NOVA1: variants seen among roughly 807,000 people sequenced by gnomAD.
The protein encoded by NOVA1 is RNA-binding protein Nova-1.
NOVA1 carries 7 observed loss-of-function variants against 38.0 expected under a neutral mutation model. The observed-to-expected ratio is 0.18, with a 90% CI of 0.10 to 0.35. The LOEUF (loss-of-function observed/expected upper bound fraction) is 0.35. Ranked by LOEUF, NOVA1 falls within the 10% of genes least tolerant of loss-of-function variation. NOVA1 has a pLI of 1.00. For missense variants in NOVA1, 460 were observed against 616.0 expected (o/e 0.75, Z 2.68); for synonymous variants, 270 against 232.5 (o/e 1.16, Z -1.47).
chr14:26,554,325 A>G (rs1459659508), intron 2 of NOVA1, among the ~76,000 whole-genome samples: 1 of 151,858 alleles, frequency 6.6e-6, no homozygotes, highest in East Asian at 1.9e-4. Flanking sequence ...CTTCATCAGC[A>G]CACAGGAGGA....
chr14:26,584,405 T>TA (rs1447818067), intron 2 of NOVA1, among the ~76,000 whole-genome samples: 1 of 151,534 alleles, frequency 6.6e-6, no homozygotes, highest in East Asian at 1.9e-4. Flanking sequence ...TAAATATATA[T>TA]TTTTTAATTA....
At chr14:26,463,198 T>C (rs1390860655) in intron 4 of NOVA1, among the ~76,000 whole-genome samples, 1 of 152,166 alleles carries the variant, frequency 6.6e-6, no homozygotes. Context: ...CATACATACG[T>C]TCTTTTATTT....
intron 3 of NOVA1, among the ~76,000 whole-genome samples, chr14:26,477,709 T>C (rs1885099480): frequency 6.6e-6 from 1 of 152,120 alleles, no homozygotes; most frequent in Non-Finnish European, 1.5e-5. Context: ...ATTAAGGTCA[T>C]TTAAATTTAT....
rs201509724 is a variant in NOVA1, at chr14:26,448,642, T to C, written c.841A>G (p.Thr281Ala). Reference sequence around the variant, plus strand: ...AATAGCCCTGCAGCTGCTGCAGCAGTTGGTAACACTTCAGCAGTGTTTGCA... The same window carrying C: ...AATAGCCCTGCAGCTGCTGCAGCAGCTGGTAACACTTCAGCAGTGTTTGCA... ...PYANTAEVLP[T>A]AAAAAGLLGH... The change falls in exon 5 of 5, where the codon ACT (threonine) becomes GCT (alanine). Residue 281 changes from threonine (T) to alanine (A), a missense_variant. By Grantham distance (58) the Thr-to-Ala change is moderately conservative. Coordinates refer to ENST00000539517, the MANE Select transcript of NOVA1 (RefSeq NM_002515.3). The surrounding 1 kb of genome is among the most constrained non-coding windows in gnomAD (Gnocchi z 5.3). 1.2e-6 allele frequency: 2 copies of C among 1,614,070 alleles called. No homozygotes were observed. Among genetic ancestry groups the C allele is most frequent in the Non-Finnish European group, 1.7e-6 (2 of 1,180,048 alleles).
rs116336546 is a variant in NOVA1 at position 26,512,128 on chromosome 14, T to C, written c.281-31985A>G. Among the ~76,000 whole-genome samples, 570 of 152,326 alleles carry C rather than the reference T, an allele frequency of 3.7e-3. 6 individuals carry two copies. Among genetic ancestry groups the C allele is most frequent in the African/African-American group, 0.013 (546 of 41,584 alleles). ...ACCTTTAAAAAGAATACATTAATGC[T>C]TGAATAAGAGTATATATTTTGCTTT... On this transcript the variant is annotated intron_variant, in intron 2 of 4. Transcript: ENST00000539517.
chr14:26,456,206 A>G, intron 4 of NOVA1, among the ~76,000 whole-genome samples: 1 of 152,170 alleles, frequency 6.6e-6, no homozygotes, highest in East Asian at 1.9e-4. Flanking sequence ...TTAAAAAGTA[A>G]AAAATACCTA....
intron 2 of NOVA1, among the ~76,000 whole-genome samples, chr14:26,575,168 T>G (rs1463005578): frequency 2.0e-5 from 3 of 152,178 alleles, no homozygotes; most frequent in Non-Finnish European, 4.4e-5. Flanking sequence ...AAAGTTCAAA[T>G]TGCTTGACAC....
At chr14:26,473,704 A>G (rs1355623595) in intron 3 of NOVA1, among the ~76,000 whole-genome samples, 2 of 151,952 alleles carry the variant, frequency 1.3e-5, no homozygotes, top group Non-Finnish European at 2.9e-5. Flanking sequence ...CTAACATCAT[A>G]CCATGTTTTA....
chr14:26,577,444 C>CT (rs1371984364), intron 2 of NOVA1, among the ~76,000 whole-genome samples: 3 of 151,818 alleles, frequency 2.0e-5, no homozygotes, highest in Non-Finnish European at 4.4e-5. Context: ...AGACAGGCTA[C>CT]TTTTTTTTGT....
chr14:26,516,163 G>C (rs139724613), intron 2 of NOVA1, among the ~76,000 whole-genome samples: 1 of 152,264 alleles, frequency 6.6e-6, no homozygotes, highest in Non-Finnish European at 1.5e-5. Context: ...TAACGGTATT[G>C]AGTGTTTATC....
At chr14:26,524,061 T>C (rs1047456627) in intron 2 of NOVA1, among the ~76,000 whole-genome samples, 1 of 152,126 alleles carries the variant, frequency 6.6e-6, no homozygotes, top group Non-Finnish European at 1.5e-5. Flanking sequence ...CACTTGAAGA[T>C]TTTAAAACAA....
At chr14:26,517,675 T>A (rs1888570342) in intron 2 of NOVA1, among the ~76,000 whole-genome samples, 1 of 152,132 alleles carries the variant, frequency 6.6e-6, no homozygotes, top group Non-Finnish European at 1.5e-5. Flanking sequence ...AAATAACAAT[T>A]TTGCCATTTG....
intron 2 of NOVA1, among the ~76,000 whole-genome samples, chr14:26,523,952 C>G (rs756623533): frequency 6.6e-6 from 1 of 151,956 alleles, no homozygotes; most frequent in Admixed American, 6.6e-5. Flanking sequence ...GGGGTTTCAC[C>G]GTGTTAGCCG....
chr14:26,585,799 C>T (rs556222010), intron 2 of NOVA1, among the ~76,000 whole-genome samples: 166 of 14,450 alleles, frequency 0.011, 2 homozygotes, highest in Non-Finnish European at 0.031. Context: ...CTAAACAGAA[C>T]GCAAAATTCC....
Position 26,448,622 on chromosome 14 carries a change from C to G in NOVA1, c.861G>C (p.Gly287=). ...CAGCAAGGTTAGCATGTCCTAATAG[C>G]CCTGCAGCTGCTGCAGCAGTTGGTA... ...EVLPTAAAAA[G]LLGHANLAGV... Residue 287 remains glycine, a synonymous_variant, in exon 5 of 5, where the codon GGG becomes GGC. Transcript: ENST00000539517. The surrounding 1 kb of genome is among the most constrained non-coding windows in gnomAD (Gnocchi z 5.3). 1 of 1,614,224 alleles carries G rather than the reference C, an allele frequency of 6.2e-7. No homozygotes were observed. The highest frequency in any genetic ancestry group is 8.5e-7 in the Non-Finnish European group (1 of 1,180,048).
chr14:26,587,717 T>C (rs1893613459), intron 2 of NOVA1, among the ~76,000 whole-genome samples: 2 of 151,228 alleles, frequency 1.3e-5, no homozygotes, highest in African/African-American at 2.4e-5. Flanking sequence ...AGAATTAATA[T>C]GACCAAAATT....
At chr14:26,492,862 G>A (rs562399976) in intron 2 of NOVA1, among the ~76,000 whole-genome samples, 2 of 152,102 alleles carry the variant, frequency 1.3e-5, no homozygotes, top group Non-Finnish European at 2.9e-5. Context: ...TTACTCGAGA[G>A]GTGGAGGTTT....
At chr14:26,575,298 A>G (rs1892772724) in intron 2 of NOVA1, among the ~76,000 whole-genome samples, 1 of 152,194 alleles carries the variant, frequency 6.6e-6, no homozygotes, top group South Asian at 2.1e-4. Flanking sequence ...AGGAGCTTGC[A>G]GTGAGATAAA....
chr14:26,452,486 C>T (rs1164021874), intron 4 of NOVA1, among the ~76,000 whole-genome samples: 1 of 152,168 alleles, frequency 6.6e-6, no homozygotes, highest in East Asian at 1.9e-4. Context: ...ATTATTTTCT[C>T]TTACTTCTTA....
Sources: allele counts gnomAD v4.1 joint callset (sites outside exome capture counted in the v4.1 genomes callset), GRCh38; gene constraint gnomAD v4.1.1; non-coding constraint Gnocchi (gnomAD v3.1); transcripts MANE v1.5; gene names NCBI Gene and HGNC (gene_info 2026-07-23, HGNC 2026-07-21).